The following FGF13 variants were observed in gnomAD, a reference collection of about 807,000 sequenced individuals.
The protein encoded by FGF13 is fibroblast growth factor 13.
Under a neutral mutation model 19.5 loss-of-function variants are expected in FGF13, and 2 were observed. The observed-to-expected ratio is 0.10, with a 90% confidence interval of 0.04 to 0.32. FGF13 has a LOEUF of 0.32. Among genes scored for constraint, FGF13 ranks in the 10% least tolerant of loss-of-function variants. FGF13 has a pLI of 1.00. For missense variants in FGF13, 113 were observed against 192.7 expected, an observed-to-expected ratio of 0.59 and a Z score of 2.45; for synonymous variants, 72 against 76.9, an observed-to-expected ratio of 0.94 and a Z score of 0.33.
At chrX:138,833,920 T>C (rs1472536736) in intron 3 of FGF13, among the ~76,000 whole-genome samples, 2 of 112,138 alleles carry the variant, frequency 1.8e-5, no homozygotes, top group Non-Finnish European at 3.8e-5. Context: ...GATAATCATG[T>C]GGTTTTTGTC....
At chrX:138,971,012 A>G (rs935935793) in intron 1 of FGF13, among the ~76,000 whole-genome samples, 6 of 111,808 alleles carry the variant, frequency 5.4e-5, no homozygotes, top group Non-Finnish European at 7.5e-5. Flanking sequence ...TTCATGATGA[A>G]CTGTATTTCC....
chrX:138,696,178 T>A (rs938455042), intron 3 of FGF13, among the ~76,000 whole-genome samples: 12 of 112,194 alleles, frequency 1.1e-4, no homozygotes, highest in African/African-American at 3.9e-4. Flanking sequence ...AAGTACTGAT[T>A]CATGCTACAA....
At chrX:138,963,475 C>A (rs1437112029) in intron 1 of FGF13, among the ~76,000 whole-genome samples, 1 of 112,633 alleles carries the variant, frequency 8.9e-6, no homozygotes, top group African/African-American at 3.2e-5. Context: ...CTTGCCACAG[C>A]AACACATGCC....
intron 3 of FGF13, among the ~76,000 whole-genome samples, chrX:138,798,106 A>G (rs1166774957): frequency 8.9e-6 from 1 of 111,993 alleles, no homozygotes; most frequent in Non-Finnish European, 1.9e-5. Flanking sequence ...TATGTTGAAT[A>G]GGAGTGGTGG....
In FGF13 at chrX:138,632,683, G is replaced by T; in HGVS notation, c.*167C>A. ...GCTCAATCTAAATAATGGGGCTTTA[G>T]TATGGATGATAAGAAGGTCTAATGG... is the stretch of plus-strand genomic sequence containing the variant. On this transcript the variant is annotated 3_prime_UTR_variant, in exon 5 of 5. Coordinates refer to ENST00000315930, the MANE Select transcript of FGF13 (RefSeq NM_004114.5). 2.0e-6 allele frequency: 1 copy of T among 487,956 alleles called. No individual in the cohort carries two copies. Among genetic ancestry groups the T allele is most frequent in the Non-Finnish European group, 3.4e-6 (1 of 297,650 alleles). 40.2% of individuals were successfully genotyped at this position (487,956 alleles called of 1,213,427 possible). A position where few individuals can be genotyped will look rare whatever the true frequency, so the allele number is the denominator to read the frequency against.
At chrX:139,104,874 G>T (rs1438255123) in intron 1 of FGF13, among the ~76,000 whole-genome samples, 1 of 111,188 alleles carries the variant, frequency 9.0e-6, no homozygotes, top group Non-Finnish European at 1.9e-5. Context: ...TTGAGGGTTA[G>T]ATTTTAACAT....
chrX:139,106,900 A>G (rs1287685526), intron 1 of FGF13, among the ~76,000 whole-genome samples: 2 of 112,309 alleles, frequency 1.8e-5, no homozygotes, highest in Non-Finnish European at 3.8e-5. Context: ...TCTGATCAGC[A>G]TCTCTGTAAG....
chrX:138,665,443 T>C (rs2089532210), intron 3 of FGF13, among the ~76,000 whole-genome samples: 1 of 111,667 alleles, frequency 9.0e-6, no homozygotes, highest in East Asian at 2.8e-4. Flanking sequence ...CTGTTTCCTG[T>C]GCCTTTTAAG....
intron 1 of FGF13, among the ~76,000 whole-genome samples, chrX:138,730,439 T>C (rs1242673118): frequency 8.9e-6 from 1 of 111,751 alleles, no homozygotes; most frequent in African/African-American, 3.2e-5. Context: ...TTATAGCACA[T>C]ACAGAATAAA....
chrX:139,158,017 C>T (rs2083992635), intron 1 of FGF13, among the ~76,000 whole-genome samples: 1 of 111,778 alleles, frequency 8.9e-6, no homozygotes, highest in Non-Finnish European at 1.9e-5. Context: ...GGGAAACTCC[C>T]TCCCCTAGCC....
At position 139,199,448 on chromosome X, in the gene FGF13, T is replaced by C. The variant is rs1054024725; in HGVS notation, c.-113+3968A>G. Among the ~76,000 whole-genome samples the C allele has an allele frequency of 2.7e-5, 3 of 112,358 alleles. No homozygotes were observed. The Admixed American group carries it at 2.8e-4, about 11-fold the overall frequency. ...TTTGAAGAACTGCAACACATTCTGGTTGTTCTATGTTGATTGTAATTCCCA... is the reference window on the plus strand; with the variant it reads ...TTTGAAGAACTGCAACACATTCTGGCTGTTCTATGTTGATTGTAATTCCCA... On this transcript the variant is annotated intron_variant, in intron 1 of 2. Transcript: ENST00000421460.
chrX:139,091,486 AG>A, intron 1 of FGF13, among the ~76,000 whole-genome samples: 1 of 111,678 alleles, frequency 9.0e-6, no homozygotes, highest in East Asian at 2.8e-4. Context: ...TAGGGCCCAG[AG>A]GCAAAATGTG....
chrX:138,774,345 A>G (rs1202461876), intron 3 of FGF13, among the ~76,000 whole-genome samples: 2 of 111,883 alleles, frequency 1.8e-5, no homozygotes, highest in Non-Finnish European at 3.8e-5. Context: ...ACAACTTGCT[A>G]TGCATGAGGA....
intron 3 of FGF13, among the ~76,000 whole-genome samples, chrX:138,819,683 T>C (rs2090985554): frequency 8.9e-6 from 1 of 111,836 alleles, no homozygotes; most frequent in Admixed American, 9.6e-5. Flanking sequence ...ACCAGTTTCT[T>C]ACCCAAAACA....
At chrX:139,139,335 A>G (rs2083825110) in intron 1 of FGF13, among the ~76,000 whole-genome samples, 2 of 112,386 alleles carry the variant, frequency 1.8e-5, no homozygotes, top group South Asian at 7.4e-4. Flanking sequence ...AATGCCCAAG[A>G]GTCCACAAAA....
Position 138,704,842 on chromosome X carries a change from C to T in FGF13, c.299-1755G>A, listed in dbSNP as rs751984403. Among the ~76,000 whole-genome samples the T allele has an allele frequency of 6.2e-5, 7 of 112,455 alleles. No individual in the cohort carries two copies. The South Asian group carries it at 2.6e-3, about 41-fold the overall frequency. ...ACAGATTGCAAGCCAAGATCTCATG[C>T]TATATTTGACAATGCAATACACAGG... On this transcript the variant is annotated intron_variant, in intron 2 of 4. Transcript: ENST00000315930.
intron 1 of FGF13, among the ~76,000 whole-genome samples, chrX:138,894,259 G>A (rs988471593): frequency 2.7e-5 from 3 of 110,279 alleles, no homozygotes. Context: ...AGAGAAGCAA[G>A]AGCAAACACA....
chrX:138,721,182 C>T (rs867463944), intron 1 of FGF13, among the ~76,000 whole-genome samples: 2 of 111,185 alleles, frequency 1.8e-5, no homozygotes, highest in African/African-American at 3.3e-5. Flanking sequence ...ATATAACTGG[C>T]GTGAGGTTGG....
rs1224109114 is a variant in FGF13, at chrX:138,783,008, C to T, written c.218-74080G>A. Among the ~76,000 whole-genome samples, 19 of 80,561 alleles carry T rather than the reference C, an allele frequency of 2.4e-4. No individual in the cohort carries two copies. The East Asian group carries it at 7.2e-3, about 31-fold the overall frequency. The allele number at this position is 80,561 out of a possible 115,157, so 70.0% of individuals were successfully genotyped here. ...AGAACAGAGCCCTCAGAAATAACGC[C>T]GCATATCTACAACTATCTGATCTTT... On this transcript the variant is annotated intron_variant, in intron 3 of 6. Coordinates refer to the FGF13 transcript ENST00000436198.
Sources: allele counts gnomAD v4.1 joint callset (sites outside exome capture counted in the v4.1 genomes callset), GRCh38; gene constraint gnomAD v4.1.1; transcripts MANE v1.5; gene names NCBI Gene and HGNC (gene_info 2026-07-23, HGNC 2026-07-21).